Variants in NTRK3 observed in about 807,000 individuals in gnomAD.
NTRK3 encodes NT-3 growth factor receptor.
Under a neutral mutation model 91.7 loss-of-function variants are expected in NTRK3, and 24 were observed. That is an observed-to-expected ratio of 0.26 (90% CI 0.19 to 0.37). The LOEUF (loss-of-function observed/expected upper bound fraction) is 0.37, where lower values mean the gene tolerates loss of function less well. Among genes scored for constraint, NTRK3 ranks in the 10% least tolerant of loss-of-function variants. NTRK3 has a pLI of 1.00. For synonymous variants in NTRK3, 483 were observed against 404.0 expected (o/e 1.20, Z -2.34); for missense variants, 880 against 1,068.9 (o/e 0.82, Z 2.46).
Position 88,132,415 on chromosome 15 carries a change from G to T in NTRK3, c.1204+2686C>A, listed in dbSNP as rs1027253369. Among the ~76,000 whole-genome samples, 5 of 152,178 alleles carry T rather than the reference G, an allele frequency of 3.3e-5. 1 individual carries two copies. The highest frequency in any genetic ancestry group is 7.3e-5 in the Non-Finnish European group (5 of 68,036). On this transcript the variant is annotated intron_variant, in intron 10 of 18. Coordinates refer to ENST00000394480, the Ensembl canonical transcript of NTRK3. ...ATGGATACAGAAATAGAGGCACAGA[G>T]AAGTGATTGTCCTCCATCTAGTACT...
chr15:88,033,043 G>A (rs2142024123), exon 14 of NTRK3: 1 of 1,577,628 alleles, frequency 6.3e-7, no homozygotes. Flanking sequence ...ACAGCCACGG[G>A]ACCTGCACAC....
At chr15:88,144,110 C>G (rs1410146722) in intron 6 of NTRK3, 6 of 152,172 alleles carry the variant, frequency 3.9e-5, no homozygotes, top group Admixed American at 3.9e-4. Flanking sequence ...GACAATCTCT[C>G]TGATTCCTGC....
intron 17 of NTRK3, among the ~76,000 whole-genome samples, chr15:87,897,181 G>A (rs1022509536): frequency 3.3e-5 from 5 of 152,080 alleles, no homozygotes; most frequent in Non-Finnish European, 7.4e-5. Context: ...AGGATAAATA[G>A]GCCCATTGTG....
At chr15:87,894,440 T>C (rs73452628) in intron 17 of NTRK3, among the ~76,000 whole-genome samples, 4 of 152,218 alleles carry the variant, frequency 2.6e-5, no homozygotes, top group Admixed American at 2.6e-4. Flanking sequence ...TGTGTGACAA[T>C]GCATGTGCAT....
intron 5 of NTRK3, among the ~76,000 whole-genome samples, chr15:88,173,419 C>T (rs1055450127): frequency 1.3e-5 from 2 of 152,178 alleles, no homozygotes; most frequent in African/African-American, 4.8e-5. Flanking sequence ...CCCCATGCTC[C>T]CTGGAAATGG....
At chr15:88,124,897 G>A (rs183203337) in intron 13 of NTRK3, among the ~76,000 whole-genome samples, 6 of 152,320 alleles carry the variant, frequency 3.9e-5, no homozygotes, top group African/African-American at 7.2e-5. Context: ...AGCTTGCTTT[G>A]CTGTGAGTTG....
chr15:87,880,377 T>C, exon 18 of NTRK3: 1 of 1,614,186 alleles, frequency 6.2e-7, no homozygotes, highest in Non-Finnish European at 8.5e-7. Flanking sequence ...TTCCGGTACA[T>C]GATGCTTTCA....
chr15:87,867,448 T>TG (rs1461709417), exon 19 of NTRK3: 24 of 229,660 alleles, frequency 1.0e-4, no homozygotes, highest in Non-Finnish European at 1.7e-4. Context: ...CTCCTCAGTG[T>TG]GGGGGGGATG....
intron 14 of NTRK3, among the ~76,000 whole-genome samples, chr15:87,965,362 G>A (rs2072689228): frequency 6.6e-6 from 1 of 152,208 alleles, no homozygotes; most frequent in Non-Finnish European, 1.5e-5. Context: ...CTGTGACAGA[G>A]AGATATTCTC....
chr15:88,256,546 G>T (rs2054073873), intron 1 of NTRK3, 60 bp from the exon 2 acceptor site: 2 of 509,818 alleles, frequency 3.9e-6, no homozygotes, highest in Non-Finnish European at 6.7e-6. Context: ...AGGAAAAAAT[G>T]GTGCTAAAGT....
intron 5 of NTRK3, among the ~76,000 whole-genome samples, chr15:88,171,463 G>T (rs1287909064): frequency 1.3e-5 from 2 of 152,246 alleles, no homozygotes; most frequent in East Asian, 3.9e-4. Context: ...CCCACATACA[G>T]GGGGCAGAAT....
At chr15:88,232,213 C>G (rs1341199964) in intron 3 of NTRK3, among the ~76,000 whole-genome samples, 1 of 152,190 alleles carries the variant, frequency 6.6e-6, no homozygotes, top group African/African-American at 2.4e-5. Context: ...ACCTGTACAG[C>G]CAGGGACCCC....
intron 17 of NTRK3, among the ~76,000 whole-genome samples, chr15:87,904,128 C>T (rs1042823312): frequency 3.3e-5 from 5 of 151,520 alleles, no homozygotes; most frequent in Non-Finnish European, 5.9e-5. Context: ...CAAGACATGC[C>T]CTGCTAGAAT....
chr15:88,123,786 T>G (rs943574627), intron 13 of NTRK3, among the ~76,000 whole-genome samples: 2 of 152,212 alleles, frequency 1.3e-5, no homozygotes, highest in African/African-American at 4.8e-5. Context: ...TTGAAAGAGT[T>G]ATTTTCAATA....
At chr15:88,080,424 T>C (rs1048836706) in intron 13 of NTRK3, among the ~76,000 whole-genome samples, 1 of 152,256 alleles carries the variant, frequency 6.6e-6, no homozygotes, top group Non-Finnish European at 1.5e-5. Flanking sequence ...GTAACTGATT[T>C]AATTAATGTT....
At chr15:87,863,680 A>G in exon 19 of NTRK3, 1 of 226,374 alleles carries the variant, frequency 4.4e-6, no homozygotes, top group Non-Finnish European at 8.8e-6. Context: ...CTTGGAAAAG[A>G]AAGATTGTAA....
rs376575397 is a variant in NTRK3 at position 87,886,825 on chromosome 15, T to TAA, written c.2134-6399_2134-6398dup. ...ATCACACTTGAAAATTTAAAAATAG[T>TAA]AAAAAAAAAAGTGCGAATATAAGGA... On this transcript the variant is annotated intron_variant, in intron 17 of 18. Transcript: ENST00000394480. 1.1e-3 allele frequency among the ~76,000 whole-genome samples: 156 copies of TAA among 143,798 alleles called. 2 individuals carry two copies. Among genetic ancestry groups the TAA allele is most frequent in the African/African-American group, 3.6e-3 (141 of 39,402 alleles). The allele number at this position is 143,798 out of a possible 152,430, so 94.3% of individuals were successfully genotyped here.
At chr15:87,909,284 G>C (rs938413091) in intron 17 of NTRK3, among the ~76,000 whole-genome samples, 3 of 152,116 alleles carry the variant, frequency 2.0e-5, no homozygotes, top group Non-Finnish European at 4.4e-5. Context: ...GTGAGAGGAG[G>C]GGGGTGCATG....
intron 13 of NTRK3, among the ~76,000 whole-genome samples, chr15:88,051,005 A>C (rs1204638675): frequency 6.6e-6 from 1 of 152,170 alleles, no homozygotes; most frequent in Non-Finnish European, 1.5e-5. Flanking sequence ...TTACTCTCTA[A>C]TACCATTTAG....
Sources: allele counts gnomAD v4.1 joint callset (sites outside exome capture counted in the v4.1 genomes callset), GRCh38; gene constraint gnomAD v4.1.1; transcripts MANE v1.5; gene names NCBI Gene and HGNC (gene_info 2026-07-23, HGNC 2026-07-21).